PLEKHA7: variants seen among roughly 807,000 people sequenced by gnomAD.
PLEKHA7 encodes pleckstrin homology domain-containing family A member 7.
In PLEKHA7, 104 loss-of-function variants were observed where a neutral mutation model predicts 170.0. The observed-to-expected ratio is 0.61, with a 90% confidence interval of 0.52 to 0.72. The LOEUF (loss-of-function observed/expected upper bound fraction) is 0.72, where lower values mean the gene tolerates loss of function less well. PLEKHA7 is among the 30% of genes least tolerant of loss of function. The probability of loss-of-function intolerance (pLI) is 0.00; values close to 1 mark genes in which losing one functional copy is unlikely to be tolerated. For synonymous variants in PLEKHA7, 648 were observed against 660.8 expected (o/e 0.98, Z 0.30); for missense variants, 1,615 against 1,671.7 (o/e 0.97, Z 0.59).
At chr11:16,974,626 GTTTT>G (rs397965149) in intron 3 of PLEKHA7, 3,375 of 148,850 alleles carry the variant, frequency 0.023, 1 homozygote, top group Middle Eastern at 0.042. Flanking sequence ...GATTTCACAG[GTTTT>G]TTTTTTTTTT....
chr11:17,003,402 A>G (rs543675203), intron 3 of PLEKHA7, among the ~76,000 whole-genome samples: 30 of 152,314 alleles, frequency 2.0e-4, no homozygotes, highest in East Asian at 3.9e-4. Context: ...TCTGCAGCCA[A>G]TGAATGCAAT....
chr11:16,852,509 G>C (rs1178623973), intron 6 of PLEKHA7, among the ~76,000 whole-genome samples, 154 bp from the exon 7 acceptor site: 2 of 152,322 alleles, frequency 1.3e-5, no homozygotes, highest in East Asian at 1.9e-4. Context: ...TCTTTGAATA[G>C]GACATTAGAA....
intron 17 of PLEKHA7, among the ~76,000 whole-genome samples, chr11:16,799,001 G>A (rs981199097): frequency 7.9e-5 from 12 of 152,210 alleles, no homozygotes; most frequent in African/African-American, 2.9e-4. Context: ...TTAGACTGGC[G>A]CTGCCCAATA....
chr11:16,791,437 T>G lies in PLEKHA7; in HGVS notation c.2746-238A>C. 12 of 629,116 alleles carry G rather than the reference T, an allele frequency of 1.9e-5. No homozygotes were observed. The highest frequency in any genetic ancestry group is 3.5e-5 in the Non-Finnish European group (12 of 346,610). 39.0% of individuals were successfully genotyped at this position (629,116 alleles called of 1,614,324 possible). ...TTTCTATTCCTCCAAGTGTTACCTG[T>G]ATAACTGTGTCCTGAAACCCAGGAC... On this transcript the variant is annotated intron_variant, in intron 19 of 26. Transcript: ENST00000531066. The surrounding 1 kb of genome is among the most constrained non-coding windows in gnomAD (Gnocchi z 4.5).
intron 26 of PLEKHA7, among the ~76,000 whole-genome samples, chr11:16,782,348 GC>G (rs1849095623): frequency 6.6e-6 from 1 of 152,138 alleles, no homozygotes; most frequent in South Asian, 2.1e-4. Context: ...CTTCTGCCTT[GC>G]CCCAGCAAGA....
chr11:16,866,305 G>A (rs894330522), intron 4 of PLEKHA7, among the ~76,000 whole-genome samples: 7 of 152,058 alleles, frequency 4.6e-5, no homozygotes, highest in African/African-American at 7.2e-5. Flanking sequence ...AAAGAGGGCA[G>A]AGCAGGCTGG....
intron 3 of PLEKHA7, among the ~76,000 whole-genome samples, chr11:16,944,373 G>C (rs753768957): frequency 6.6e-6 from 1 of 151,548 alleles, no homozygotes; most frequent in African/African-American, 2.4e-5. Flanking sequence ...TAAGCCGGGC[G>C]CGGTGGCACA....
intron 3 of PLEKHA7, among the ~76,000 whole-genome samples, chr11:16,982,830 G>A (rs1176611878): frequency 7.7e-6 from 1 of 129,422 alleles, no homozygotes; most frequent in African/African-American, 3.1e-5. Context: ...CAGAGAGAGA[G>A]AGGGAGAGAG....
At chr11:16,888,378 C>T (rs10766353) in intron 3 of PLEKHA7, among the ~76,000 whole-genome samples, 39,145 of 150,908 alleles carry the variant, frequency 0.26, 1,942 homozygotes, top group East Asian at 0.48. Context: ...CCAATGATGA[C>T]GATGGCGGTT....
intron 9 of PLEKHA7, among the ~76,000 whole-genome samples, chr11:16,829,635 G>T (rs1590252003): frequency 6.6e-6 from 1 of 152,074 alleles, no homozygotes; most frequent in Non-Finnish European, 1.5e-5. Context: ...AATTAGCTGG[G>T]CATGGTGGTG....
At chr11:16,861,015 C>T (rs1413217778) in intron 4 of PLEKHA7, among the ~76,000 whole-genome samples, 3 of 152,186 alleles carry the variant, frequency 2.0e-5, no homozygotes, top group African/African-American at 7.2e-5. Context: ...GGAACTGTTA[C>T]CAGTGAAGAC....
intron 8 of PLEKHA7, 116 bp from the exon 9 acceptor site, chr11:16,841,838 A>T (rs1416705338): frequency 1.0e-6 from 1 of 963,960 alleles, no homozygotes; most frequent in Non-Finnish European, 1.5e-6. Context: ...GCACCACCCA[A>T]CTTGTTTCCA....
chr11:16,989,070 C>T (rs1008611026), intron 3 of PLEKHA7, among the ~76,000 whole-genome samples: 5 of 152,228 alleles, frequency 3.3e-5, no homozygotes, highest in South Asian at 4.1e-4. Flanking sequence ...CGCCCCAGTG[C>T]TCCATCTGTG....
At chr11:16,782,163 A>G (rs1849076942) in intron 26 of PLEKHA7, among the ~76,000 whole-genome samples, 1 of 151,756 alleles carries the variant, frequency 6.6e-6, no homozygotes, top group Non-Finnish European at 1.5e-5. Context: ...ACACACGGAC[A>G]CACACACACC....
chr11:16,810,095 G>A (rs1325848655), intron 13 of PLEKHA7, among the ~76,000 whole-genome samples: 1 of 152,264 alleles, frequency 6.6e-6, no homozygotes, highest in East Asian at 1.9e-4. Flanking sequence ...CACACGGAAA[G>A]TAGAAGAGTG....
intron 3 of PLEKHA7, among the ~76,000 whole-genome samples, chr11:16,988,540 G>C (rs956580091): frequency 3.9e-5 from 6 of 152,128 alleles, no homozygotes; most frequent in Non-Finnish European, 8.8e-5. Context: ...TCTGCCTCCT[G>C]GGTTCAAGCG....
intron 3 of PLEKHA7, among the ~76,000 whole-genome samples, chr11:17,006,327 TAA>T (rs751822590): frequency 1.4e-4 from 12 of 84,792 alleles, no homozygotes; most frequent in Admixed American, 2.5e-4. Flanking sequence ...AAACTCCATC[TAA>T]AAAAAAAAAA....
At chr11:16,997,771 G>A (rs1403740977) in intron 3 of PLEKHA7, among the ~76,000 whole-genome samples, 2 of 152,200 alleles carry the variant, frequency 1.3e-5, no homozygotes, top group Non-Finnish European at 2.9e-5. Flanking sequence ...ACAGAAGGCC[G>A]CATGCAGTTT....
chr11:17,014,383 C>G lies in PLEKHA7; in HGVS notation c.19G>C (p.Gly7Arg). 2.9e-6 allele frequency: 4 copies of G among 1,380,802 alleles called. No homozygotes were observed. Among genetic ancestry groups the G allele is most frequent in the Non-Finnish European group, 3.8e-6 (4 of 1,057,478 alleles). 85.5% of individuals were successfully genotyped at this position (1,380,802 alleles called of 1,614,324 possible). A position where few individuals can be genotyped will look rare whatever the true frequency, so the allele number is the denominator to read the frequency against. The change falls in exon 1 of 27, where the codon GGG (glycine) becomes CGG (arginine). Residue 7 changes from glycine (G) to arginine (R), a missense_variant. Physicochemically the swap from Gly to Arg is moderately radical, Grantham distance 125. Coordinates refer to ENST00000531066, the MANE Select transcript of PLEKHA7 (RefSeq NM_001329630.2). ...CAATGCTCAGGTAAAGTGTCCCGCC[C>G]GACCGTCGCCGCCGCCATGTTCGCC... MAAATV[G>R]RDTLPEHWSY...
Sources: gnomAD v4.1 joint callset for allele counts (sites outside exome capture counted in the v4.1 genomes callset) on GRCh38, gnomAD v4.1.1 for gene constraint, Gnocchi (gnomAD v3.1) non-coding constraint, MANE v1.5 for transcripts, NCBI Gene and HGNC (gene_info 2026-07-23, HGNC 2026-07-21) for gene names.